Variants in NRXN3 observed in about 807,000 individuals in gnomAD.
NRXN3 encodes neurexin 3.
A neutral mutation model predicts 137.6 loss-of-function variants in NRXN3; 32 were observed. That is an observed-to-expected ratio of 0.23 (90% CI 0.18 to 0.31). The LOEUF (loss-of-function observed/expected upper bound fraction) is 0.31. Ranked by LOEUF, NRXN3 falls within the 10% of genes least tolerant of loss-of-function variation. The pLI, the probability that NRXN3 is intolerant of heterozygous loss-of-function variation, is 1.00. For missense variants in NRXN3, 1,574 were observed against 2,062.5 expected, an observed-to-expected ratio of 0.76 and a Z score of 4.59; for synonymous variants, 798 against 784.5, an observed-to-expected ratio of 1.02 and a Z score of -0.29.
intron 4 of NRXN3, among the ~76,000 whole-genome samples, chr14:78,492,828 A>T (rs1308631232): frequency 6.6e-6 from 1 of 152,234 alleles, no homozygotes; most frequent in Non-Finnish European, 1.5e-5. Flanking sequence ...ATAAGAGCCA[A>T]CATTTATAAT....
chr14:79,227,955 C>A (rs1180932879), intron 15 of NRXN3, among the ~76,000 whole-genome samples: 8 of 151,740 alleles, frequency 5.3e-5, no homozygotes, highest in Non-Finnish European at 1.2e-4. Flanking sequence ...TGACATCTTT[C>A]CCCAAAGCAA....
chr14:78,633,251 C>CAGAAAAAAA (rs2097537884), intron 4 of NRXN3, among the ~76,000 whole-genome samples: 1 of 68,078 alleles, frequency 1.5e-5, no homozygotes, highest in African/African-American at 7.1e-5. Context: ...GAGACTCTGT[C>CAGAAAAAAA]AAAAAAAAAA....
chr14:78,520,537 A>T (rs1364171865), intron 4 of NRXN3, among the ~76,000 whole-genome samples: 1 of 152,194 alleles, frequency 6.6e-6, no homozygotes, highest in African/African-American at 2.4e-5. Context: ...ACTCAGATAA[A>T]GTTGGTGGAA....
chr14:79,115,988 TAG>T, intron 15 of NRXN3, among the ~76,000 whole-genome samples: 1 of 152,244 alleles, frequency 6.6e-6, no homozygotes, highest in Admixed American at 6.5e-5. Context: ...AGCTAAAGAC[TAG>T]AGAGAATGAG....
chr14:78,239,692 T>G (rs2066825070), intron 1 of NRXN3, among the ~76,000 whole-genome samples: 1 of 152,024 alleles, frequency 6.6e-6, no homozygotes, highest in Non-Finnish European at 1.5e-5. Context: ...CTCTTTCAAG[T>G]CTTTTCTTTT....
intron 4 of NRXN3, among the ~76,000 whole-genome samples, chr14:78,471,106 C>T (rs1252704705): frequency 1.3e-5 from 2 of 152,096 alleles, no homozygotes; most frequent in Non-Finnish European, 2.9e-5. Context: ...TGGGGAGGGA[C>T]ATGGCACTGG....
At chr14:78,768,488 A>G (rs547140698) in intron 8 of NRXN3, among the ~76,000 whole-genome samples, 2 of 152,320 alleles carry the variant, frequency 1.3e-5, no homozygotes, top group Admixed American at 6.5e-5. Flanking sequence ...TAGTAAGTGC[A>G]ATTTTGGCAA....
At chr14:79,036,127 C>T (rs17108558) in intron 15 of NRXN3, among the ~76,000 whole-genome samples, 1 of 151,650 alleles carries the variant, frequency 6.6e-6, no homozygotes, top group African/African-American at 2.4e-5. Context: ...CTGTTAAATG[C>T]ATTAGGCCAT....
At chr14:78,222,857 T>A (rs1425129165) in intron 1 of NRXN3, among the ~76,000 whole-genome samples, 5 of 152,218 alleles carry the variant, frequency 3.3e-5, no homozygotes, top group Admixed American at 3.3e-4. Flanking sequence ...GGACTTGTCT[T>A]ATTCATAGCT....
intron 10 of NRXN3, among the ~76,000 whole-genome samples, chr14:78,884,482 G>C (rs79818944): frequency 9.2e-5 from 14 of 152,040 alleles, no homozygotes; most frequent in South Asian, 2.1e-4. Flanking sequence ...TTCCACAACT[G>C]TTCACCTTTC....
At position 78,660,806 on chromosome 14, in the gene NRXN3, C is replaced by T. The variant is rs141032029; in HGVS notation, c.1221+9480C>T. On this transcript the variant is annotated intron_variant, in intron 6 of 20. Coordinates refer to ENST00000335750, the MANE Select transcript of NRXN3 (RefSeq NM_001330195.2). ...TGGCTCTATTTTCTATCATTTGCAG[C>T]AGGAAGCCCTAGGTGATGTAGCAGA... 7.0e-4 allele frequency among the ~76,000 whole-genome samples: 106 copies of T among 152,298 alleles called. 1 individual carries two copies. Among genetic ancestry groups the T allele is most frequent in the African/African-American group, 2.5e-3 (103 of 41,570 alleles).
At position 79,268,456 on chromosome 14, in the gene NRXN3, T is replaced by C. The variant is rs765092123; in HGVS notation, c.3263-198765T>C. 5.3e-4 allele frequency among the ~76,000 whole-genome samples: 80 copies of C among 152,208 alleles called. 1 individual carries two copies. The highest frequency in any genetic ancestry group is 2.9e-3 in the Admixed American group (45 of 15,276). On this transcript the variant is annotated intron_variant, in intron 15 of 20. Coordinates refer to ENST00000335750, the MANE Select transcript of NRXN3 (RefSeq NM_001330195.2). ...TCACCTCCAGATCCAGGTTGCCTTT[T>C]TCTTGTTGCTCAGCCACAGCACATT... is the stretch of plus-strand genomic sequence containing the variant.
chr14:79,725,044 G>A (rs945376335), intron 19 of NRXN3, among the ~76,000 whole-genome samples: 1 of 152,266 alleles, frequency 6.6e-6, no homozygotes, highest in South Asian at 2.1e-4. Flanking sequence ...CTGATTACCT[G>A]TACTACTCAT....
chr14:78,639,368 C>T (rs143788720), intron 4 of NRXN3, among the ~76,000 whole-genome samples: 226 of 152,352 alleles, frequency 1.5e-3, no homozygotes, highest in African/African-American at 5.2e-3. Context: ...CTGGCTCCCA[C>T]TCCTTTCTGG....
chr14:78,564,129 A>G (rs1425480147), intron 4 of NRXN3, among the ~76,000 whole-genome samples: 1 of 152,164 alleles, frequency 6.6e-6, no homozygotes, highest in Non-Finnish European at 1.5e-5. Context: ...CTTAGGGGGA[A>G]AAAATCCTAG....
intron 10 of NRXN3, among the ~76,000 whole-genome samples, chr14:78,900,907 A>C (rs750697946): frequency 2.6e-5 from 4 of 152,024 alleles, no homozygotes; most frequent in Non-Finnish European, 5.9e-5. Flanking sequence ...AGGTTTGATG[A>C]GCCCATTTGA....
chr14:79,129,636 GA>G (rs2057119750), intron 15 of NRXN3, among the ~76,000 whole-genome samples: 1 of 135,156 alleles, frequency 7.4e-6, no homozygotes. Flanking sequence ...GTGTGGTGCT[GA>G]AAAAAATGTC....
At chr14:79,584,498 G>A (rs1287268995) in intron 16 of NRXN3, among the ~76,000 whole-genome samples, 3 of 152,144 alleles carry the variant, frequency 2.0e-5, no homozygotes, top group East Asian at 3.9e-4. Flanking sequence ...GGGGAGAGCT[G>A]GGATGAATAT....
At chr14:78,548,894 C>G (rs1285823271) in intron 4 of NRXN3, among the ~76,000 whole-genome samples, 2 of 152,198 alleles carry the variant, frequency 1.3e-5, no homozygotes, top group Non-Finnish European at 2.9e-5. Context: ...GAACCTCCAG[C>G]TGTCACAGTC....
Sources: gnomAD v4.1 joint callset for allele counts (sites outside exome capture counted in the v4.1 genomes callset) on GRCh38, gnomAD v4.1.1 for gene constraint, MANE v1.5 for transcripts, NCBI Gene and HGNC (gene_info 2026-07-23, HGNC 2026-07-21) for gene names.